Variants in TRPM6 observed in about 807,000 individuals in gnomAD.
The protein encoded by TRPM6 is channel kinase 2.
Under a neutral mutation model 247.6 loss-of-function variants are expected in TRPM6, and 111 were observed. The observed-to-expected ratio is 0.45, with a 90% CI of 0.38 to 0.52. TRPM6 has a LOEUF of 0.52. Ranked by LOEUF, TRPM6 falls within the 20% of genes least tolerant of loss-of-function variation. TRPM6 has a pLI of 0.00. For missense variants in TRPM6, 2,126 were observed against 2,421.5 expected, an observed-to-expected ratio of 0.88 and a Z score of 2.56; for synonymous variants, 892 against 853.8, an observed-to-expected ratio of 1.04 and a Z score of -0.78.
At chr9:74,792,885 G>C in intron 18 of TRPM6, 115 bp from the exon 19 acceptor site, 3 of 1,035,774 alleles carry the variant, frequency 2.9e-6, no homozygotes, top group Admixed American at 2.0e-5. Flanking sequence ...GGCTGGGGGC[G>C]GTGGCTCACA....
rs764025355 is a variant in TRPM6, at chr9:74,821,824, G to A, written c.855C>T (p.Gly285=). ...CCACCACCAGCCCCACGACCGGCAC[G>A]CCTTGTCTTGAGCCTATTCCAGACC... ...LQKIHCRSRQ[G]VPVVGLVVEG... Residue 285 remains glycine (G), a synonymous_variant, in exon 8 of 39, where the codon GGC becomes GGT. Coordinates refer to ENST00000360774, the MANE Select transcript of TRPM6 (RefSeq NM_017662.5). 1.5e-5 allele frequency: 25 copies of A among 1,614,060 alleles called. No individual in the cohort carries two copies. The highest frequency in any genetic ancestry group is 1.7e-4 in the Middle Eastern group (1 of 6,056).
At chr9:74,844,677 AAAGTTG>A (rs1333808369) in intron 3 of TRPM6, among the ~76,000 whole-genome samples, 1 of 152,186 alleles carries the variant, frequency 6.6e-6, no homozygotes, top group African/African-American at 2.4e-5. Flanking sequence ...TATCAGCAAT[AAAGTTG>A]TTTCTTTTTT....
rs748907945 is a variant in TRPM6, at chr9:74,816,873, A to G, written c.1207+19T>C. The G allele has an allele frequency of 1.9e-6, 3 of 1,613,466 alleles. No individual in the cohort carries two copies. The Admixed American group carries it at 5.0e-5, about 27-fold the overall frequency. ...GAAGCGTAAATGAGGAACAATTGCA[A>G]CCCCATCCAGATACTCACCCTTCAG... On this transcript the variant is annotated intron_variant, in intron 10 of 38. Transcript: ENST00000360774.
chr9:74,881,878 G>C (rs1323246010), intron 1 of TRPM6, among the ~76,000 whole-genome samples: 1 of 152,128 alleles, frequency 6.6e-6, no homozygotes, highest in African/African-American at 2.4e-5. Context: ...ACAAAATAGA[G>C]AACACAGAAG....
intron 4 of TRPM6, 39 bp downstream of exon 4, chr9:74,842,127 A>G: frequency 6.2e-7 from 1 of 1,601,998 alleles, no homozygotes; most frequent in African/African-American, 1.3e-5. Flanking sequence ...AAAAAAAAAA[A>G]GAAAGAAACC....
At chr9:74,842,498 A>C (rs1363934203) in intron 3 of TRPM6, among the ~76,000 whole-genome samples, 155 bp from the exon 4 acceptor site, 1 of 152,222 alleles carries the variant, frequency 6.6e-6, no homozygotes, top group Non-Finnish European at 1.5e-5. Flanking sequence ...ACTGTCTTCT[A>C]AGTTTAGAAA....
chr9:74,858,159 T>A (rs1830584284), intron 2 of TRPM6, among the ~76,000 whole-genome samples: 1 of 152,084 alleles, frequency 6.6e-6, no homozygotes, highest in South Asian at 2.1e-4. Context: ...GAGGCCGAGG[T>A]GGGTGGATCA....
chr9:74,770,038 G>A (rs916988242), intron 25 of TRPM6, among the ~76,000 whole-genome samples: 1 of 152,090 alleles, frequency 6.6e-6, no homozygotes, highest in African/African-American at 2.4e-5. Flanking sequence ...ATATTATGTA[G>A]GTGAAATCAA....
chr9:74,859,552 C>T (rs902947303), intron 1 of TRPM6, among the ~76,000 whole-genome samples: 7 of 152,276 alleles, frequency 4.6e-5, no homozygotes, highest in Non-Finnish European at 1.0e-4. Context: ...GCGGGTGGAC[C>T]ACTTGAAGTC....
chr9:74,801,327 A>T (rs183343494), intron 16 of TRPM6, among the ~76,000 whole-genome samples: 19 of 138,186 alleles, frequency 1.4e-4, no homozygotes, highest in African/African-American at 5.0e-4. Flanking sequence ...GCACGATCTC[A>T]GTTCACTGCA....
At chr9:74,881,888 G>GT (rs1355051550) in intron 1 of TRPM6, among the ~76,000 whole-genome samples, 1 of 152,090 alleles carries the variant, frequency 6.6e-6, no homozygotes, top group East Asian at 1.9e-4. Flanking sequence ...GAACACAGAA[G>GT]TAATTCCACA....
Position 74,836,185 on chromosome 9 carries a change from T to C in TRPM6, c.545-2063A>G, listed in dbSNP as rs368787209. On this transcript the variant is annotated intron_variant, in intron 5 of 38. Transcript: ENST00000360774. The stretch of plus-strand genomic sequence containing the variant: ...TTTCTACTGTCTCCATAGATTTGCC[T>C]TTTCCAGAATGTCATATACTATAGT... 7.9e-5 allele frequency among the ~76,000 whole-genome samples: 12 copies of C among 152,216 alleles called. No homozygotes were observed. In the East Asian group the frequency reaches 2.3e-3, roughly 29 times the overall value.
At chr9:74,788,314 T>TA (rs1827769620) in intron 20 of TRPM6, among the ~76,000 whole-genome samples, 1 of 152,172 alleles carries the variant, frequency 6.6e-6, no homozygotes, top group Admixed American at 6.5e-5. Flanking sequence ...GAGGGTTTAA[T>TA]ACAATTCTAT....
chr9:74,755,856 A>T (rs1826414242), intron 27 of TRPM6, among the ~76,000 whole-genome samples: 1 of 152,196 alleles, frequency 6.6e-6, no homozygotes, highest in Non-Finnish European at 1.5e-5. Context: ...TCATGCTGCC[A>T]ATAGGAGATC....
chr9:74,854,418 A>T (rs983367617), intron 3 of TRPM6, among the ~76,000 whole-genome samples: 1 of 152,188 alleles, frequency 6.6e-6, no homozygotes, highest in East Asian at 1.9e-4. Flanking sequence ...TATTAGGTTT[A>T]TGCAAAATTA....
At chr9:74,797,272 T>C (rs1212965851) in intron 17 of TRPM6, among the ~76,000 whole-genome samples, 1 of 152,178 alleles carries the variant, frequency 6.6e-6, no homozygotes, top group Non-Finnish European at 1.5e-5. Flanking sequence ...CGCTATATTG[T>C]TAAGTGAAAA....
At chr9:74,731,709 A>AAT (rs1382466148) in intron 37 of TRPM6, among the ~76,000 whole-genome samples, 2 of 148,190 alleles carry the variant, frequency 1.3e-5, no homozygotes, top group East Asian at 3.9e-4. Context: ...TAATATATAT[A>AAT]ATATATATAA....
chr9:74,792,580 T>C, intron 19 of TRPM6, 44 bp downstream of exon 19: 1 of 1,596,500 alleles, frequency 6.3e-7, no homozygotes, highest in Non-Finnish European at 8.6e-7. Flanking sequence ...TCACTAGCTA[T>C]CAATCATCAT....
intron 3 of TRPM6, among the ~76,000 whole-genome samples, chr9:74,843,101 T>A (rs1829997860): frequency 6.6e-6 from 1 of 152,230 alleles, no homozygotes; most frequent in African/African-American, 2.4e-5. Context: ...AATCCTTTGT[T>A]GTCGTTTCTA....
Sources: allele counts gnomAD v4.1 joint callset (sites outside exome capture counted in the v4.1 genomes callset), GRCh38; gene constraint gnomAD v4.1.1; transcripts MANE v1.5; gene names NCBI Gene and HGNC (gene_info 2026-07-23, HGNC 2026-07-21).